Variants in TMTC2 observed in about 807,000 individuals in gnomAD.
TMTC2 encodes transmembrane O-mannosyltransferase targeting cadherins 2, also known as protein O-mannosyl-transferase TMTC2.
A neutral mutation model predicts 82.4 loss-of-function variants in TMTC2; 43 were observed. The ratio of observed to expected loss-of-function variants is 0.52; its 90% confidence interval spans 0.41 to 0.67. The LOEUF (loss-of-function observed/expected upper bound fraction) is 0.67. Ranked by LOEUF, TMTC2 falls within the 30% of genes least tolerant of loss-of-function variation. The pLI is 0.00. For synonymous variants in TMTC2, 408 were observed against 381.9 expected, an observed-to-expected ratio of 1.07 and a Z score of -0.80; for missense variants, 919 against 1,012.4, an observed-to-expected ratio of 0.91 and a Z score of 1.25.
intron 1 of TMTC2, among the ~76,000 whole-genome samples, chr12:82,716,669 T>C (rs1873919280): frequency 6.6e-6 from 1 of 151,798 alleles, no homozygotes; most frequent in African/African-American, 2.4e-5. Flanking sequence ...GCCTGTCTGG[T>C]ACATTTTTGC....
chr12:82,903,438 G>GTC (rs1874127690), intron 3 of TMTC2, among the ~76,000 whole-genome samples: 1 of 145,152 alleles, frequency 6.9e-6, no homozygotes, highest in Non-Finnish European at 1.6e-5. Flanking sequence ...TTGAGACAGA[G>GTC]TCTCGCTCTG....
In TMTC2 at chr12:83,114,601, T is replaced by G. The variant is rs144672805; in HGVS notation, c.2332-17609T>G. On this transcript the variant is annotated intron_variant, in intron 11 of 11. Coordinates refer to ENST00000321196, the MANE Select transcript of TMTC2 (RefSeq NM_152588.3). Reference sequence around the variant, plus strand: ...AACTGAGTATTTTTAATAAATCCTATTTAGGAAAAGCTGTAATTTCCACAA... The same window carrying G: ...AACTGAGTATTTTTAATAAATCCTAGTTAGGAAAAGCTGTAATTTCCACAA... Among the ~76,000 whole-genome samples the G allele has an allele frequency of 6.9e-3, 1,050 of 152,332 alleles. 6 individuals carry two copies. The highest frequency in any genetic ancestry group is 0.024 in the African/African-American group (985 of 41,578).
chr12:82,916,709 C>A (rs1157388142), intron 3 of TMTC2, among the ~76,000 whole-genome samples: 3 of 151,590 alleles, frequency 2.0e-5, no homozygotes, highest in East Asian at 3.9e-4. Flanking sequence ...ATAATGCTGT[C>A]TAGACTAACA....
intron 4 of TMTC2, among the ~76,000 whole-genome samples, chr12:82,952,731 TTTTG>T (rs982550994): frequency 3.9e-5 from 6 of 152,074 alleles, no homozygotes; most frequent in South Asian, 2.1e-4. Context: ...TGTGGTGTTT[TTTTG>T]TTTGTTTGTT....
At chr12:83,075,153 G>T (rs1331054014) in intron 11 of TMTC2, among the ~76,000 whole-genome samples, 1 of 152,192 alleles carries the variant, frequency 6.6e-6, no homozygotes, top group African/African-American at 2.4e-5. Context: ...AGCTTCTCCA[G>T]TGGGGGTGTG....
chr12:82,717,995 G>T (rs936651711), intron 1 of TMTC2, among the ~76,000 whole-genome samples: 3 of 152,154 alleles, frequency 2.0e-5, no homozygotes, highest in Non-Finnish European at 2.9e-5. Flanking sequence ...GCAAAAGAGT[G>T]CCTGCCCTCT....
At chr12:82,985,784 T>G in intron 7 of TMTC2, 141 bp from the exon 8 acceptor site, 1 of 1,071,692 alleles carries the variant, frequency 9.3e-7, no homozygotes, top group Non-Finnish European at 1.3e-6. Flanking sequence ...TCTTTGGGAA[T>G]CAGATGAGAA....
At chr12:82,937,738 G>GGC (rs551965964) in intron 4 of TMTC2, among the ~76,000 whole-genome samples, 1 of 93,474 alleles carries the variant, frequency 1.1e-5, no homozygotes. Context: ...GGATGTGTGT[G>GGC]TGTGTGTGTG....
intron 8 of TMTC2, among the ~76,000 whole-genome samples, chr12:82,994,520 C>A (rs1438118354): frequency 1.3e-5 from 2 of 151,942 alleles, no homozygotes; most frequent in Non-Finnish European, 2.9e-5. Flanking sequence ...AAATAGCCAG[C>A]TGGTTCAAGC....
At chr12:82,713,045 C>T (rs140409375) in intron 1 of TMTC2, among the ~76,000 whole-genome samples, 58 of 152,170 alleles carry the variant, frequency 3.8e-4, no homozygotes, top group African/African-American at 1.2e-3. Flanking sequence ...GGAGGCCAGG[C>T]GCAGTGGCTC....
intron 11 of TMTC2, among the ~76,000 whole-genome samples, chr12:83,088,441 G>A (rs186322023): frequency 6.6e-6 from 1 of 152,264 alleles, no homozygotes; most frequent in Non-Finnish European, 1.5e-5. Flanking sequence ...CTTGCCTTTT[G>A]ATAGGCCTTC....
At chr12:82,983,698 G>A (rs1010958546) in intron 7 of TMTC2, among the ~76,000 whole-genome samples, 1 of 151,762 alleles carries the variant, frequency 6.6e-6, no homozygotes, top group African/African-American at 2.4e-5. Flanking sequence ...TTTTAAACTG[G>A]CCTATAAGCA....
At chr12:83,074,603 G>T (rs79010815) in intron 11 of TMTC2, among the ~76,000 whole-genome samples, 8,317 of 151,988 alleles carry the variant, frequency 0.055, 247 homozygotes, top group East Asian at 0.082. Context: ...GAGTCATGTG[G>T]TTGTCAGGGA....
chr12:82,946,301 G>A (rs140719704), intron 4 of TMTC2, among the ~76,000 whole-genome samples: 1 of 152,144 alleles, frequency 6.6e-6, no homozygotes, highest in Non-Finnish European at 1.5e-5. Flanking sequence ...ATAGTGCTTA[G>A]CATATGTGTT....
chr12:82,864,496 CTTTTTTTTTT>C (rs775559477), intron 2 of TMTC2, among the ~76,000 whole-genome samples: 12 of 107,820 alleles, frequency 1.1e-4, no homozygotes, highest in Non-Finnish European at 2.0e-4. Flanking sequence ...ATGTCACATT[CTTTTTTTTTT>C]TTTTTTTTTT....
intron 8 of TMTC2, among the ~76,000 whole-genome samples, chr12:83,004,878 A>G (rs1413773902): frequency 1.3e-5 from 2 of 151,192 alleles, no homozygotes; most frequent in East Asian, 3.9e-4. Context: ...TAATTCCAGC[A>G]CTTTGGGAGG....
intron 1 of TMTC2, among the ~76,000 whole-genome samples, chr12:82,779,519 A>T (rs866728804): frequency 9.2e-5 from 14 of 152,326 alleles, no homozygotes; most frequent in South Asian, 4.1e-4. Context: ...ACAAGTATAG[A>T]TTAAACTGTA....
intron 1 of TMTC2, among the ~76,000 whole-genome samples, chr12:82,780,428 G>A (rs1045664334): frequency 1.3e-5 from 2 of 151,596 alleles, no homozygotes; most frequent in African/African-American, 4.9e-5. Flanking sequence ...TTTCACAACA[G>A]TAAACAGTTT....
intron 9 of TMTC2, among the ~76,000 whole-genome samples, chr12:83,032,535 CA>C (rs201875585): frequency 2.7e-5 from 4 of 150,888 alleles, no homozygotes; most frequent in South Asian, 2.1e-4. Context: ...GAAAGTTCTA[CA>C]AAAAAAATTT....
Sources: gnomAD v4.1 joint callset for allele counts (sites outside exome capture counted in the v4.1 genomes callset) on GRCh38, gnomAD v4.1.1 for gene constraint, MANE v1.5 for transcripts, NCBI Gene and HGNC (gene_info 2026-07-23, HGNC 2026-07-21) for gene names.